Variants in HELB observed in about 807,000 individuals in gnomAD.
HELB encodes DNA 5'-3' helicase B.
A neutral mutation model predicts 101.7 loss-of-function variants in HELB; 96 were observed. That is an observed-to-expected ratio of 0.94 (90% CI 0.80 to 1.12). HELB has a LOEUF of 1.12. Among genes scored for constraint, HELB ranks in the 50% most tolerant of loss-of-function variants. The probability of loss-of-function intolerance (pLI) is 0.00; values close to 1 mark genes in which losing one functional copy is unlikely to be tolerated. For missense variants in HELB, 1,210 were observed against 1,291.9 expected (o/e 0.94, Z 0.97); for synonymous variants, 437 against 459.7 (o/e 0.95, Z 0.63).
chr12:66,338,625 G>A (rs1455901048), downstream of HELB: 1 of 151,186 alleles, frequency 6.6e-6, no homozygotes, highest in Non-Finnish European at 1.5e-5. Flanking sequence ...CTGGGTGGCA[G>A]AGCGAGACTC....
rs568388500 is a variant in HELB at position 66,331,231 on chromosome 12, G to A, written c.2748G>A (p.Val916=). The A allele has an allele frequency of 8.7e-6, 14 of 1,614,212 alleles. No homozygotes were observed. In the African/African-American group the frequency reaches 1.7e-4, roughly 20 times the overall value. Residue 916 remains valine (V), a synonymous_variant, in exon 12 of 13, where the codon GTG becomes GTA. Transcript: ENST00000247815. ...RQHWQHVYTA[V]TRGRCRVYVI... is the part of the protein sequence containing the mutation. ...ACTGGCAGCATGTCTACACCGCCGTGACCAGGGGCCGCTGCCGAGTGTATG... is the reference window on the plus strand; with the variant it reads ...ACTGGCAGCATGTCTACACCGCCGTAACCAGGGGCCGCTGCCGAGTGTATG...
intron 5 of HELB, among the ~76,000 whole-genome samples, chr12:66,314,979 A>G (rs2136997498): frequency 6.6e-6 from 1 of 151,408 alleles, no homozygotes; most frequent in East Asian, 1.9e-4. Flanking sequence ...ACTAACTACA[A>G]ATGTCTAAGG....
intron 12 of HELB, among the ~76,000 whole-genome samples, chr12:66,334,240 C>T (rs1235137712): frequency 1.3e-5 from 2 of 151,936 alleles, no homozygotes; most frequent in East Asian, 1.9e-4. Flanking sequence ...GCAGGAGGAT[C>T]GCTTGAGCCC....
chr12:66,320,736 A>G (rs1172480781), intron 7 of HELB, among the ~76,000 whole-genome samples: 5 of 152,126 alleles, frequency 3.3e-5, no homozygotes, highest in Non-Finnish European at 7.3e-5. Flanking sequence ...TAGGAAGCAT[A>G]TAGTACTTTT....
chr12:66,315,405 G>T (rs1198178980), intron 6 of HELB, 22 bp downstream of exon 6: 1 of 1,459,768 alleles, frequency 6.9e-7, no homozygotes. Flanking sequence ...CTAAGAGTTT[G>T]CATTTTCTGT....
downstream of HELB, chr12:66,343,111 T>C (rs1293241070): frequency 6.6e-6 from 1 of 152,240 alleles, no homozygotes; most frequent in Non-Finnish European, 1.5e-5. Context: ...CAAGTTTGTT[T>C]TGGCTATTAT....
At chr12:66,337,806 C>G (rs2053882604) in intron 12 of HELB, among the ~76,000 whole-genome samples, 195 bp from the exon 13 acceptor site, 3 of 152,114 alleles carry the variant, frequency 2.0e-5, no homozygotes, top group Admixed American at 6.5e-5. Context: ...GAGCTGGGTG[C>G]TAGAGATACC....
At chr12:66,325,210 C>G (rs2053722982) in intron 11 of HELB, 84 bp downstream of exon 11, 1 of 920,222 alleles carries the variant, frequency 1.1e-6, no homozygotes, top group Non-Finnish European at 1.7e-6. Flanking sequence ...TTTTGTTGCA[C>G]TTATTAGCAA....
intron 7 of HELB, among the ~76,000 whole-genome samples, chr12:66,320,644 C>T (rs749683408): frequency 5.3e-5 from 8 of 152,184 alleles, no homozygotes; most frequent in Non-Finnish European, 1.2e-4. Context: ...GGTAGCAGAG[C>T]TTACCTGATA....
chr12:66,310,404 A>G lies in HELB; in HGVS notation c.1476A>G (p.Ile492Met). The stretch of plus-strand genomic sequence containing the variant: ...TCGTTAGCCGTCTTTTTAAGCATAT[A>G]GAGCAGTTGGAAGAAAGAGAAGTAA... ...TTIVSRLFKH[I>M]EQLEEREVKK... The change falls in exon 4 of 13, where the codon ATA (isoleucine) becomes ATG (methionine). Residue 492 changes from isoleucine (I) to methionine (M), a missense_variant. By Grantham distance (10) the Ile-to-Met change is conservative. Around this residue, in one of 2 missense-constraint regions of HELB, gnomAD observed 740 missense variants for 728.8 expected, o/e 1.02. Coordinates refer to ENST00000247815, the MANE Select transcript of HELB (RefSeq NM_001370285.1). 6.2e-7 allele frequency: 1 copy of G among 1,614,202 alleles called. No homozygotes were observed. Among genetic ancestry groups the G allele is most frequent in the Non-Finnish European group, 8.5e-7 (1 of 1,180,036 alleles).
downstream of HELB, chr12:66,338,271 C>T (rs577406356): frequency 4.4e-5 from 26 of 597,534 alleles, no homozygotes; most frequent in Admixed American, 3.6e-4. Flanking sequence ...GATTTCAACA[C>T]GTCATCATGA....
chr12:66,313,888 T>A (rs879193374), intron 4 of HELB, 98 bp from the exon 5 acceptor site: 14 of 989,936 alleles, frequency 1.4e-5, no homozygotes, highest in Non-Finnish European at 2.1e-5. Context: ...CACCCACCCC[T>A]GCCAATTTAC....
In HELB at chr12:66,331,208, TG is replaced by T; in HGVS notation, c.2727del (p.Trp909CysfsTer8). 3.1e-6 allele frequency: 5 copies of T among 1,613,180 alleles called. No homozygotes were observed. The highest frequency in any genetic ancestry group is 4.2e-6 in the Non-Finnish European group (5 of 1,179,136). ...GGTGGGGAAGGCGGGCCGCCAGCAC[TG>T]GCAGCATGTCTACACCGCCGTGACC... The part of the protein sequence containing the change: ...YVVGKAGRQH[W>X]QHVYTAVTRG... On this transcript the variant is annotated frameshift_variant, in exon 12 of 13. Transcript: ENST00000247815. LOFTEE classifies it high-confidence loss of function.
At chr12:66,313,631 G>A (rs917226023) in intron 4 of HELB, among the ~76,000 whole-genome samples, 50 of 152,102 alleles carry the variant, frequency 3.3e-4, no homozygotes, top group African/African-American at 1.2e-3. Context: ...TTGAGAAAGC[G>A]CTGCTTTTAT....
chr12:66,320,902 T>C (rs554092327), intron 7 of HELB, among the ~76,000 whole-genome samples: 2 of 152,334 alleles, frequency 1.3e-5, no homozygotes, highest in East Asian at 3.9e-4. Flanking sequence ...CATATTGATC[T>C]GCAAGATGTG....
chr12:66,336,980 G>T (rs1423086494), intron 12 of HELB, among the ~76,000 whole-genome samples: 3 of 152,160 alleles, frequency 2.0e-5, no homozygotes, highest in African/African-American at 4.8e-5. Context: ...TGCGTAAAAT[G>T]AGGAGGTTCT....
chr12:66,313,543 C>T lies in HELB; in HGVS notation c.1681-443C>T, dbSNP rs11176140. 4.3e-3 allele frequency among the ~76,000 whole-genome samples: 647 copies of T among 151,784 alleles called. 12 individuals are homozygous for T. The East Asian group carries it at 0.061, about 14-fold the overall frequency. ...TGTTTATTTGTTGTTGGGGGTGGTG[C>T]GGTGGTAGTTTTTAAAAAGTTTTGA... On this transcript the variant is annotated intron_variant, in intron 4 of 12. Transcript: ENST00000247815.
intron 12 of HELB, among the ~76,000 whole-genome samples, chr12:66,333,522 T>TA (rs1243098463): frequency 2.0e-5 from 3 of 151,742 alleles, no homozygotes; most frequent in African/African-American, 7.3e-5. Context: ...CCTTCTCTAC[T>TA]AAAAATACAA....
chr12:66,324,769 T>G (rs2137008177), intron 10 of HELB: 1 of 517,146 alleles, frequency 1.9e-6, no homozygotes, highest in African/African-American at 1.9e-5. Context: ...AAGATAAGTT[T>G]CAAAGACTGA....
Sources: allele counts gnomAD v4.1 joint callset (sites outside exome capture counted in the v4.1 genomes callset), GRCh38; gene constraint gnomAD v4.1.1; regional missense constraint gnomAD v4.1.1; transcripts MANE v1.5; gene names NCBI Gene and HGNC (gene_info 2026-07-23, HGNC 2026-07-21).